Variants in TSPYL2 observed in about 807,000 individuals in gnomAD.
The protein encoded by TSPYL2 is TSPY like 2.
TSPYL2 carries 9 observed loss-of-function variants against 33.0 expected under a neutral mutation model. That is an observed-to-expected ratio of 0.27 (90% CI 0.16 to 0.48). The LOEUF is 0.48. Ranked by LOEUF, TSPYL2 falls within the 20% of genes least tolerant of loss-of-function variation. The pLI, the probability that TSPYL2 is intolerant of heterozygous loss-of-function variation, is 0.99. For synonymous variants in TSPYL2, 330 were observed against 233.6 expected, an observed-to-expected ratio of 1.41 and a Z score of -3.77; for missense variants, 636 against 586.2, an observed-to-expected ratio of 1.08 and a Z score of -0.88.
intron 5 of TSPYL2, 69 bp from the exon 6 acceptor site, chrX:53,085,562 C>A: frequency 9.1e-7 from 1 of 1,094,266 alleles, no homozygotes; most frequent in East Asian, 3.0e-5. Context: ...CCAGTTACTT[C>A]CCACCTTTGA....
At chrX:53,084,341 G>C (rs782248803) in intron 1 of TSPYL2, among the ~76,000 whole-genome samples, 1 of 111,803 alleles carries the variant, frequency 8.9e-6, no homozygotes, top group Non-Finnish European at 1.9e-5. Flanking sequence ...ATGGATTGTC[G>C]ACACCCTGTA....
intron 5 of TSPYL2, 95 bp downstream of exon 5, chrX:53,085,416 G>A: frequency 2.5e-6 from 2 of 813,049 alleles, no homozygotes; most frequent in Non-Finnish European, 3.5e-6. Flanking sequence ...GGACCTTTGA[G>A]ATAATCCCAG....
rs782009477 is a variant in TSPYL2 at position 53,088,244 on chromosome X, C to T, written c.*305C>T. 4.3e-5 allele frequency: 12 copies of T among 276,910 alleles called. No individual in the cohort carries two copies. The Admixed American group carries it at 6.5e-4, about 15-fold the overall frequency. The allele number at this position is 276,910 out of a possible 1,213,427, so 22.8% of individuals were successfully genotyped here. On this transcript the variant is annotated 3_prime_UTR_variant, in exon 7 of 7. Transcript: ENST00000375442. ...CCCACTTCTCCCAGTCAGTTGTGGC[C>T]CCAGCCCCTCTCCCTGTGCTGTGTG...
In TSPYL2 at chrX:53,082,553, G is replaced by A. The variant is rs1556807145; in HGVS notation, c.55G>A (p.Glu19Lys). The change falls in exon 1 of 7, where the codon GAG becomes AAG. Residue 19 changes from glutamate (E) to lysine (K), a missense_variant. Physicochemically the swap from Glu to Lys is moderately conservative, Grantham distance 56. Around this residue, in one of 3 missense-constraint regions of TSPYL2, gnomAD observed 231 missense variants for 201.6 expected, o/e 1.15. Coordinates refer to ENST00000375442, the MANE Select transcript of TSPYL2 (RefSeq NM_022117.4). ...PAKTRRLSSS[E>K]SPQRDPPPPP... The stretch of plus-strand genomic sequence containing the variant: ...CAAGACCCGCCGCCTGAGCAGCTCC[G>A]AGTCTCCACAGCGCGACCCGCCCCC... The A allele has an allele frequency of 1.7e-6, 2 of 1,156,843 alleles. No individual in the cohort carries two copies. Among genetic ancestry groups the A allele is most frequent in the Admixed American group, 2.6e-5 (1 of 38,786 alleles).
rs782791302 is a variant in TSPYL2, at chrX:53,082,543, G to A, written c.45G>A (p.Leu15=). The A allele has an allele frequency of 2.6e-5, 30 of 1,156,020 alleles. No individual in the cohort carries two copies. The highest frequency in any genetic ancestry group is 3.4e-5 in the Non-Finnish European group (30 of 872,285). Residue 15 remains leucine (L), a synonymous_variant, in exon 1 of 7, where the codon CTG becomes CTA. Coordinates refer to ENST00000375442, the MANE Select transcript of TSPYL2 (RefSeq NM_022117.4). ...GGCCTCCGGCCAAGACCCGCCGCCTGAGCAGCTCCGAGTCTCCACAGCGCG... is the reference window on the plus strand; with the variant it reads ...GGCCTCCGGCCAAGACCCGCCGCCTAAGCAGCTCCGAGTCTCCACAGCGCG... ...DEGPPAKTRR[L]SSSESPQRDP...
chrX:53,082,492 G>A lies in TSPYL2; in HGVS notation c.-7G>A, dbSNP rs1164426755. On this transcript the variant is annotated 5_prime_UTR_variant, in exon 1 of 7. Transcript: ENST00000375442. ...CGAGTCCCCTGAGCTGTACGAACGC[G>A]GTCGCCATGGACCGCCCAGATGAGG... is the stretch of plus-strand genomic sequence containing the variant. 2 of 1,153,735 alleles carry A rather than the reference G, an allele frequency of 1.7e-6. No homozygotes were observed. The highest frequency in any genetic ancestry group is 5.3e-5 in the Admixed American group (2 of 37,678).
Position 53,085,467 on chromosome X carries a change from G to C in TSPYL2, c.1238+146G>C. On this transcript the variant is annotated intron_variant, in intron 5 of 6. Transcript: ENST00000375442. The stretch of plus-strand genomic sequence containing the variant: ...AAGTGGGAAATCATGCCCAGAAATG[G>C]CTTGAGGTTACACAGTCAGGGGCAG... The C allele has an allele frequency of 4.0e-6, 3 of 742,464 alleles. No homozygotes were observed. The South Asian group carries it at 8.2e-5, about 20-fold the overall frequency. The allele number at this position is 742,464 out of a possible 1,213,427, so 61.2% of individuals were successfully genotyped here. A position where few individuals can be genotyped will look rare whatever the true frequency, so the allele number is the denominator to read the frequency against.
chrX:53,087,900 C>G lies in TSPYL2; in HGVS notation c.2043C>G (p.Asn681Lys). Residue 681 changes from asparagine to lysine, a missense_variant, in exon 7 of 7, where the codon AAC becomes AAG. This residue lies in a region of TSPYL2 where 401 missense variants were observed against 363.0 expected (regional missense o/e 1.10). Transcript: ENST00000375442. ...SDLEDVLQVP[N>K]GWANPGKRGK... The stretch of plus-strand genomic sequence containing the variant: ...TAGAGGATGTGCTTCAGGTCCCAAA[C>G]GGTTGGGCCAATCCGGGGAAGAGGG... 1 of 1,211,713 alleles carries G rather than the reference C, an allele frequency of 8.3e-7. No homozygotes were observed. Among genetic ancestry groups the G allele is most frequent in the Non-Finnish European group, 1.1e-6 (1 of 895,466 alleles).
rs782591668 is a variant in TSPYL2, at chrX:53,086,159, T to C, written c.1767T>C (p.Asn589=). ...ATGAGGGCAGTGATGATGATGGCAA[T>C]GAAGGTGACAATGAAGGCAGCGATG... ...GDNEGSDDDG[N]EGDNEGSDDD... Residue 589 remains asparagine (N), a synonymous_variant, in exon 6 of 7, where the codon AAT becomes AAC. Transcript: ENST00000375442. 8.3e-7 allele frequency: 1 copy of C among 1,202,736 alleles called. No individual in the cohort carries two copies. The highest frequency in any genetic ancestry group is 1.8e-5 in the African/African-American group (1 of 56,855).
At chrX:53,085,601 C>T in intron 5 of TSPYL2, 30 bp from the exon 6 acceptor site, 1 of 1,201,578 alleles carries the variant, frequency 8.3e-7, no homozygotes, top group African/African-American at 1.7e-5. Context: ...CTCCCACCAA[C>T]CCTATACTCA....
At position 53,087,845 on chromosome X, in the gene TSPYL2, A is replaced by T. The variant is rs375981547; in HGVS notation, c.1988A>T (p.Glu663Val). 4.1e-6 allele frequency: 5 copies of T among 1,211,453 alleles called. No individual in the cohort carries two copies. Among genetic ancestry groups the T allele is most frequent in the Non-Finnish European group, 5.6e-6 (5 of 895,131 alleles). The stretch of plus-strand genomic sequence containing the variant: ...GAGGAAGGAAGTGAAGATGTCTGGG[A>T]AGAAGGGGAAGATTCGGACGACTCT... ...YEEEGSEDVW[E>V]EGEDSDDSDL... The change falls in exon 7 of 7, where the codon GAA becomes GTA. Residue 663 changes from glutamate to valine, a missense_variant. Around this residue, in one of 3 missense-constraint regions of TSPYL2, gnomAD observed 401 missense variants for 363.0 expected, o/e 1.10. Coordinates refer to ENST00000375442, the MANE Select transcript of TSPYL2 (RefSeq NM_022117.4).
Position 53,086,391 on chromosome X carries a change from A to G in TSPYL2, c.1918+81A>G, listed in dbSNP as rs782739205. On this transcript the variant is annotated intron_variant, in intron 6 of 6. Coordinates refer to ENST00000375442, the MANE Select transcript of TSPYL2 (RefSeq NM_022117.4). ...CTGGCCAAGGACAGGGTATCAAGGC[A>G]TGAACACAATCTGCTTTTATGGAGG... 4.1e-6 allele frequency: 4 copies of G among 964,385 alleles called. No homozygotes were observed. The South Asian group carries it at 8.3e-5, about 20-fold the overall frequency. 79.5% of individuals were successfully genotyped at this position (964,385 alleles called of 1,213,427 possible).
In TSPYL2 at chrX:53,083,116, G is replaced by A. The variant is rs369345152; in HGVS notation, c.618G>A (p.Glu206=). The A allele has an allele frequency of 9.1e-6, 11 of 1,208,239 alleles. No homozygotes were observed. The African/African-American group carries it at 1.8e-4, about 19-fold the overall frequency. ...GGAAGGTGAAGAGGGAAAGCAGAGA[G>A]AGAAATGCCGAGAGGATGGAGAGCA... ...KQRKVKRESR[E]RNAERMESIL... Residue 206 remains glutamate (E), a synonymous_variant, in exon 1 of 7, where the codon GAG becomes GAA. Coordinates refer to ENST00000375442, the MANE Select transcript of TSPYL2 (RefSeq NM_022117.4).
Position 53,088,255 on chromosome X carries a change from T to G in TSPYL2, c.*316T>G. 3.9e-6 allele frequency: 1 copy of G among 254,560 alleles called. No individual in the cohort carries two copies. Among genetic ancestry groups the G allele is most frequent in the Non-Finnish European group, 7.1e-6 (1 of 141,330 alleles). 21.0% of individuals were successfully genotyped at this position (254,560 alleles called of 1,213,427 possible). The stretch of plus-strand genomic sequence containing the variant: ...CAGTCAGTTGTGGCCCCAGCCCCTC[T>G]CCCTGTGCTGTGTGGAGTGGACACC... On this transcript the variant is annotated 3_prime_UTR_variant, in exon 7 of 7. Coordinates refer to ENST00000375442, the MANE Select transcript of TSPYL2 (RefSeq NM_022117.4).
At position 53,084,961 on chromosome X, in the gene TSPYL2, G is replaced by C; in HGVS notation, c.1005G>C (p.Leu335=). Residue 335 remains leucine, a synonymous_variant, in exon 4 of 7, where the codon CTG becomes CTC. Coordinates refer to ENST00000375442, the MANE Select transcript of TSPYL2 (RefSeq NM_022117.4). The part of the protein sequence containing the change: ...KEFQRNRSGR[L]VSHSTPIRWH... ...AGCCTTCTCTCTCCCTAGGCCGGCT[G>C]GTGTCTCACTCAACCCCAATCCGCT... 1 of 1,210,165 alleles carries C rather than the reference G, an allele frequency of 8.3e-7. No homozygotes were observed. Among genetic ancestry groups the C allele is most frequent in the Non-Finnish European group, 1.1e-6 (1 of 894,468 alleles).
intron 1 of TSPYL2, among the ~76,000 whole-genome samples, chrX:53,083,761 G>A (rs1932685546): frequency 9.0e-6 from 1 of 110,947 alleles, no homozygotes; most frequent in South Asian, 3.8e-4. Context: ...GGGTGCTTGA[G>A]CCATACAAGG....
Position 53,084,757 on chromosome X carries a change from A to G in TSPYL2, c.888A>G (p.Val296=), listed in dbSNP as rs1218138470. ...DIFRYLTNLQ[V]QDLRHISMGY... is the part of the protein sequence containing the mutation. Reference sequence around the variant, plus strand: ...ACCATCACCCCCACCTGGAGCAGGTACAGGATCTCAGACATATCTCCATGG... The same window carrying G: ...ACCATCACCCCCACCTGGAGCAGGTGCAGGATCTCAGACATATCTCCATGG... Residue 296 remains valine, a splice_region_variant and synonymous_variant, in exon 3 of 7, where the codon GTA becomes GTG. Coordinates refer to ENST00000375442, the MANE Select transcript of TSPYL2 (RefSeq NM_022117.4). The G allele has an allele frequency of 8.3e-7, 1 of 1,207,562 alleles. No individual in the cohort carries two copies.
chrX:53,084,899 C>G (rs781954030), intron 3 of TSPYL2, 33 bp downstream of exon 3: 15 of 1,206,683 alleles, frequency 1.2e-5, no homozygotes, highest in South Asian at 8.9e-5. Flanking sequence ...ATCCATGTTC[C>G]CCCCCTCAAT....
chrX:53,087,564 TC>T, intron 6 of TSPYL2: 1 of 422,759 alleles, frequency 2.4e-6, no homozygotes. Flanking sequence ...CACACTGCCT[TC>T]CTGCCTCCCT....
Sources: gnomAD v4.1 joint callset for allele counts (sites outside exome capture counted in the v4.1 genomes callset) on GRCh38, gnomAD v4.1.1 for gene constraint, gnomAD v4.1.1 regional missense constraint, MANE v1.5 for transcripts, NCBI Gene and HGNC (gene_info 2026-07-23, HGNC 2026-07-21) for gene names.